Variants in RUNX2 observed in about 807,000 individuals in gnomAD.
The protein encoded by RUNX2 is RUNX family transcription factor 2, also known as runt-related transcription factor 2.
In RUNX2, 10 loss-of-function variants were observed where a neutral mutation model predicts 51.7. The ratio of observed to expected loss-of-function variants is 0.19; its 90% CI spans 0.12 to 0.33. RUNX2 has a LOEUF of 0.33. RUNX2 is among the 10% of genes least tolerant of loss of function. The pLI is 1.00. For synonymous variants in RUNX2, 276 were observed against 273.6 expected (o/e 1.01, Z -0.09); for missense variants, 562 against 691.3 (o/e 0.81, Z 2.10).
chr6:45,346,567 C>CTTTTTTTTTTTTTTTTTT (rs71745024), intron 2 of RUNX2, among the ~76,000 whole-genome samples: 2 of 140,430 alleles, frequency 1.4e-5, no homozygotes, highest in African/African-American at 2.6e-5. Flanking sequence ...ATAAACATTT[C>CTTTTTTTTTTTTTTTTTT]TTTTTTTTTT....
At chr6:45,410,018 G>T (rs1380769679) in intron 2 of RUNX2, among the ~76,000 whole-genome samples, 1 of 151,436 alleles carries the variant, frequency 6.6e-6, no homozygotes, top group Non-Finnish European at 1.5e-5. Flanking sequence ...AAATGTGTAG[G>T]TTGAGGTTTT....
chr6:45,353,266 A>G (rs1563007287), intron 2 of RUNX2, among the ~76,000 whole-genome samples: 1 of 152,122 alleles, frequency 6.6e-6, no homozygotes, highest in East Asian at 1.9e-4. Flanking sequence ...TGCACTTAGA[A>G]TTTGTTTTGG....
At position 45,437,984 on chromosome 6, in the gene RUNX2, T is replaced by C. The variant is rs1436038429; in HGVS notation, c.618T>C (p.Asn206=). 13 of 1,613,546 alleles carry C rather than the reference T, an allele frequency of 8.1e-6. No homozygotes were observed. In the South Asian group the frequency reaches 1.4e-4, roughly 18 times the overall value. Residue 206 remains asparagine (N), a synonymous_variant, in exon 5 of 9, where the codon AAT becomes AAC. Transcript: ENST00000647337. ...SFTLTITVFT[N]PPQVATYHRA... ...CCTTGACCATAACCGTCTTCACAAA[T>C]CCTCCCCAAGTAGCTACCTATCACA...
chr6:45,377,818 T>C (rs2150338243), intron 2 of RUNX2: 1 of 153,312 alleles, frequency 6.5e-6, no homozygotes, highest in Admixed American at 6.5e-5. Flanking sequence ...GCGAGGAGAA[T>C]GTGGGGGTGG....
At chr6:45,426,308 C>A (rs992419514) in intron 3 of RUNX2, among the ~76,000 whole-genome samples, 1 of 152,092 alleles carries the variant, frequency 6.6e-6, no homozygotes, top group Non-Finnish European at 1.5e-5. Context: ...CTCACTGAAA[C>A]CTTAAAATAG....
At chr6:45,398,458 G>A (rs932920531) in intron 2 of RUNX2, among the ~76,000 whole-genome samples, 3 of 151,978 alleles carry the variant, frequency 2.0e-5, no homozygotes, top group African/African-American at 7.3e-5. Context: ...GCTTTCTTTT[G>A]AAACCAATAT....
chr6:45,384,349 A>C (rs1202375226), intron 2 of RUNX2, among the ~76,000 whole-genome samples: 1 of 152,028 alleles, frequency 6.6e-6, no homozygotes, highest in Non-Finnish European at 1.5e-5. Context: ...CAGTGGCATG[A>C]TCTCAGCTCA....
intron 5 of RUNX2, among the ~76,000 whole-genome samples, chr6:45,447,128 G>A (rs1417137798): frequency 6.6e-6 from 1 of 152,232 alleles, no homozygotes; most frequent in Non-Finnish European, 1.5e-5. Context: ...TTTTTGGGAA[G>A]TAGGTTTTGG....
chr6:45,446,348 T>C (rs1798997249), intron 5 of RUNX2, among the ~76,000 whole-genome samples: 1 of 152,254 alleles, frequency 6.6e-6, no homozygotes, highest in South Asian at 2.1e-4. Context: ...TTTCAAGTGA[T>C]ATGTGTTCTA....
chr6:45,351,058 T>TGCATCCCAAAACCATACGCCCC (rs1791912817), intron 2 of RUNX2, among the ~76,000 whole-genome samples: 1 of 152,118 alleles, frequency 6.6e-6, no homozygotes. Context: ...GTGTAACAGT[T>TGCATCCCAAAACCATACGCCCC]GCATCCCAAA....
intron 2 of RUNX2, among the ~76,000 whole-genome samples, chr6:45,358,195 C>T (rs1312507447): frequency 1.3e-5 from 2 of 152,110 alleles, no homozygotes; most frequent in African/African-American, 2.4e-5. Flanking sequence ...GTAACAGATG[C>T]AACCCAGAAA....
intron 2 of RUNX2, among the ~76,000 whole-genome samples, chr6:45,354,622 C>T (rs920810994): frequency 4.9e-5 from 5 of 101,068 alleles, no homozygotes; most frequent in East Asian, 4.3e-4. Context: ...CACAAATGCA[C>T]GCACACATAC....
Position 45,547,391 on chromosome 6 carries a change from T to C in RUNX2, c.*86T>C. On this transcript the variant is annotated 3_prime_UTR_variant, in exon 9 of 9. Coordinates refer to ENST00000647337, the MANE Select transcript of RUNX2 (RefSeq NM_001024630.4). ...CATATATAGAGAGAGTGCATATATA[T>C]GTATATCGATTAGCTATCTACAAAG... 9.3e-7 allele frequency: 1 copy of C among 1,078,706 alleles called. No individual in the cohort carries two copies. The highest frequency in any genetic ancestry group is 1.4e-6 in the Non-Finnish European group (1 of 702,618). 66.8% of individuals were successfully genotyped at this position (1,078,706 alleles called of 1,614,324 possible). A position where few individuals can be genotyped will look rare whatever the true frequency, so the allele number is the denominator to read the frequency against.
chr6:45,488,084 A>G (rs1436097631), intron 5 of RUNX2, among the ~76,000 whole-genome samples: 1 of 152,164 alleles, frequency 6.6e-6, no homozygotes, highest in African/African-American at 2.4e-5. Context: ...TGAAAAGGAG[A>G]CAGATTTTCA....
chr6:45,405,745 C>A (rs1229510374), intron 2 of RUNX2, among the ~76,000 whole-genome samples: 3 of 152,016 alleles, frequency 2.0e-5, no homozygotes, highest in Non-Finnish European at 2.9e-5. Context: ...TGAGACTGTG[C>A]CACTGCACTC....
chr6:45,404,305 AAAAG>A (rs1797787771), intron 2 of RUNX2, among the ~76,000 whole-genome samples: 1 of 129,510 alleles, frequency 7.7e-6, no homozygotes, highest in African/African-American at 2.9e-5. Context: ...AAAAGGAAAA[AAAAG>A]AAAAAAGAAA....
Position 45,365,113 on chromosome 6 carries a change from A to C in RUNX2, c.58+36329A>C, listed in dbSNP as rs1794904881. 3.8e-6 allele frequency: 3 copies of C among 783,444 alleles called. No individual in the cohort carries two copies. In the East Asian group the frequency reaches 8.3e-5, roughly 22 times the overall value. 48.5% of individuals were successfully genotyped at this position (783,444 alleles called of 1,614,324 possible). A position where few individuals can be genotyped will look rare whatever the true frequency, so the allele number is the denominator to read the frequency against. On this transcript the variant is annotated intron_variant, in intron 2 of 8. Coordinates refer to ENST00000647337, the MANE Select transcript of RUNX2 (RefSeq NM_001024630.4). ...ATTAATAACAAATTATTTCCAAGTT[A>C]AGTTTTATAAATGTTGTTATGTCTA...
chr6:45,373,666 TC>T (rs1796400439), intron 2 of RUNX2, among the ~76,000 whole-genome samples: 1 of 152,162 alleles, frequency 6.6e-6, no homozygotes, highest in Non-Finnish European at 1.5e-5. Context: ...TTCTCCTGCC[TC>T]AGCCTCCTGA....
intron 7 of RUNX2, among the ~76,000 whole-genome samples, chr6:45,524,527 A>G (rs762882734): frequency 1.3e-5 from 2 of 152,192 alleles, no homozygotes; most frequent in Non-Finnish European, 2.9e-5. Flanking sequence ...GCTATAGTTG[A>G]TGGAATAAAA....
Sources: allele counts gnomAD v4.1 joint callset (sites outside exome capture counted in the v4.1 genomes callset), GRCh38; gene constraint gnomAD v4.1.1; transcripts MANE v1.5; gene names NCBI Gene and HGNC (gene_info 2026-07-23, HGNC 2026-07-21).